Variants in TMCC1 observed in about 807,000 individuals in gnomAD.
The protein encoded by TMCC1 is transmembrane and coiled-coil domains protein 1.
TMCC1 carries 15 observed loss-of-function variants against 52.4 expected under a neutral mutation model. The observed-to-expected ratio is 0.29, with a 90% CI of 0.19 to 0.44. The LOEUF (loss-of-function observed/expected upper bound fraction) is 0.44. TMCC1 is among the 20% of genes least tolerant of loss of function. TMCC1 has a pLI of 1.00. For synonymous variants in TMCC1, 279 were observed against 301.9 expected, an observed-to-expected ratio of 0.92 and a Z score of 0.79; for missense variants, 503 against 806.0, an observed-to-expected ratio of 0.62 and a Z score of 4.55.
chr3:129,890,877 G>C (rs912947248), intron 1 of TMCC1, among the ~76,000 whole-genome samples: 1 of 152,194 alleles, frequency 6.6e-6, no homozygotes, highest in Non-Finnish European at 1.5e-5. Flanking sequence ...CTAACCCTGG[G>C]ATGAGGTGCA....
intron 5 of TMCC1, among the ~76,000 whole-genome samples, chr3:129,669,863 T>C (rs908076308): frequency 6.6e-6 from 1 of 152,222 alleles, no homozygotes; most frequent in Non-Finnish European, 1.5e-5. Context: ...ATTCAAACAC[T>C]TGTCAATTCA....
intron 4 of TMCC1, among the ~76,000 whole-genome samples, chr3:129,797,668 A>T (rs2056925228): frequency 6.6e-6 from 1 of 150,548 alleles, no homozygotes; most frequent in African/African-American, 2.4e-5. Flanking sequence ...TCACTCGAGT[A>T]TGGGAGGTGG....
At chr3:129,891,960 C>T (rs755503316) in intron 1 of TMCC1, among the ~76,000 whole-genome samples, 1 of 152,206 alleles carries the variant, frequency 6.6e-6, no homozygotes, top group African/African-American at 2.4e-5. Flanking sequence ...GGTTCTTCAT[C>T]AAATTGTAGA....
chr3:129,759,508 T>C (rs2053311287), intron 4 of TMCC1, among the ~76,000 whole-genome samples: 1 of 150,606 alleles, frequency 6.6e-6, no homozygotes. Flanking sequence ...CCTCAGATGA[T>C]CCACCTACCT....
At chr3:129,715,760 A>C (rs1427072581) in intron 4 of TMCC1, among the ~76,000 whole-genome samples, 1 of 152,114 alleles carries the variant, frequency 6.6e-6, no homozygotes, top group Non-Finnish European at 1.5e-5. Context: ...ACTGTGTCTT[A>C]TATCTTATAC....
chr3:129,824,322 C>T (rs780611663), intron 4 of TMCC1, among the ~76,000 whole-genome samples: 12 of 151,422 alleles, frequency 7.9e-5, no homozygotes, highest in South Asian at 2.1e-4. Context: ...GGTGACAGAG[C>T]GTGACTCTGT....
At chr3:129,691,936 C>T (rs1279236592) in intron 4 of TMCC1, among the ~76,000 whole-genome samples, 1 of 152,088 alleles carries the variant, frequency 6.6e-6, no homozygotes, top group Non-Finnish European at 1.5e-5. Context: ...TCAAACATCC[C>T]TACAAATCTA....
intron 4 of TMCC1, among the ~76,000 whole-genome samples, chr3:129,713,343 T>C (rs1000835770): frequency 4.5e-4 from 68 of 152,132 alleles, no homozygotes; most frequent in African/African-American, 1.6e-3. Flanking sequence ...TTGCCACCTC[T>C]TGCACTAGAG....
rs557589128 is a variant in TMCC1 at position 129,678,484 on chromosome 3, C to T, written c.577-7220G>A. ...CAAGCAATTCTTCTGCCTCAGCCTC[C>T]CGAGTAGCTGGGATTACAGGCGTGT... On this transcript the variant is annotated intron_variant, in intron 4 of 6. Transcript: ENST00000393238. Among the ~76,000 whole-genome samples, 332 of 151,540 alleles carry T rather than the reference C, an allele frequency of 2.2e-3. 2 individuals are homozygous for T. Among genetic ancestry groups the T allele is most frequent in the Non-Finnish European group, 4.0e-3 (269 of 67,894 alleles).
chr3:129,820,766 G>GA (rs1001012725), intron 4 of TMCC1, among the ~76,000 whole-genome samples: 8 of 151,968 alleles, frequency 5.3e-5, no homozygotes, highest in Admixed American at 1.3e-4. Flanking sequence ...AACTTGGCAG[G>GA]AAAAAAACAA....
chr3:129,706,054 C>A (rs1376854014), intron 4 of TMCC1, among the ~76,000 whole-genome samples: 4 of 150,600 alleles, frequency 2.7e-5, no homozygotes, highest in Non-Finnish European at 4.4e-5. Context: ...CCATGCCTGG[C>A]TAATTTTTGC....
At chr3:129,726,892 A>AAAAAAAAAAAAAAAAAAAAAAAAAAC (rs2050143948) in intron 4 of TMCC1, among the ~76,000 whole-genome samples, 1 of 144,354 alleles carries the variant, frequency 6.9e-6, no homozygotes, top group Non-Finnish European at 1.5e-5. Flanking sequence ...AAAAAAAAAA[A>AAAAAAAAAAAAAAAAAAAAAAAAAAC]AAAAAAGAAC....
At chr3:129,684,376 A>G (rs895343657) in intron 4 of TMCC1, among the ~76,000 whole-genome samples, 1 of 152,222 alleles carries the variant, frequency 6.6e-6, no homozygotes, top group Non-Finnish European at 1.5e-5. Context: ...TAATTTGTTT[A>G]TGCATTTCTA....
intron 2 of TMCC1, among the ~76,000 whole-genome samples, chr3:129,859,240 T>A (rs565386202): frequency 1.3e-5 from 2 of 152,324 alleles, no homozygotes; most frequent in South Asian, 2.1e-4. Context: ...AAACATTTTT[T>A]AAATATGTAC....
chr3:129,694,345 A>G (rs2047240202), intron 4 of TMCC1, among the ~76,000 whole-genome samples: 1 of 152,258 alleles, frequency 6.6e-6, no homozygotes, highest in Admixed American at 6.5e-5. Context: ...CTGTATGACT[A>G]ACTAGCACTG....
intron 4 of TMCC1, among the ~76,000 whole-genome samples, chr3:129,744,611 T>C (rs749928138): frequency 1.3e-5 from 2 of 152,108 alleles, no homozygotes; most frequent in Non-Finnish European, 2.9e-5. Context: ...CTAAAGAAAA[T>C]AGCATGCATA....
intron 4 of TMCC1, among the ~76,000 whole-genome samples, chr3:129,671,801 T>C (rs552532081): frequency 2.6e-5 from 4 of 152,338 alleles, no homozygotes; most frequent in Admixed American, 1.3e-4. Flanking sequence ...TTTATCCAAA[T>C]CATGTCAAGG....
chr3:129,656,794 G>A (rs556647419), intron 5 of TMCC1: 1 of 152,228 alleles, frequency 6.6e-6, no homozygotes, highest in South Asian at 2.1e-4. Flanking sequence ...TCCTACTTTT[G>A]ATGGATAACT....
At position 129,841,826 on chromosome 3, in the gene TMCC1, C is replaced by G. The variant is rs555745896; in HGVS notation, c.-183-9000G>C. 3.9e-5 allele frequency among the ~76,000 whole-genome samples: 6 copies of G among 152,286 alleles called. No individual in the cohort carries two copies. In the East Asian group the frequency reaches 1.2e-3, roughly 29 times the overall value. ...TTACAGTGTGTGGCAGTTCTGCCCCCACTCCTGCCACCATGTAAGACGTGA... is the reference window on the plus strand; with the variant it reads ...TTACAGTGTGTGGCAGTTCTGCCCCGACTCCTGCCACCATGTAAGACGTGA... On this transcript the variant is annotated intron_variant, in intron 2 of 6. Coordinates refer to ENST00000393238, the MANE Select transcript of TMCC1 (RefSeq NM_001017395.5).
Sources: gnomAD v4.1 joint callset for allele counts (sites outside exome capture counted in the v4.1 genomes callset) on GRCh38, gnomAD v4.1.1 for gene constraint, MANE v1.5 for transcripts, NCBI Gene and HGNC (gene_info 2026-07-23, HGNC 2026-07-21) for gene names.